Variants in TCERG1 observed in about 807,000 individuals in gnomAD.
TCERG1 encodes transcription elongation regulator 1, also known as TATA box binding protein (TBP)-associated factor, RNA polymerase II, S, 150kD.
In TCERG1, 37 loss-of-function variants were observed where a neutral mutation model predicts 144.7. That is an observed-to-expected ratio of 0.26 (90% CI 0.20 to 0.34). TCERG1 has a LOEUF of 0.34. Among genes scored for constraint, TCERG1 ranks in the 10% least tolerant of loss-of-function variants. The pLI is 1.00. For missense variants in TCERG1, 1,027 were observed against 1,380.7 expected, an observed-to-expected ratio of 0.74 and a Z score of 4.06; for synonymous variants, 492 against 458.2, an observed-to-expected ratio of 1.07 and a Z score of -0.94.
Position 146,511,577 on chromosome 5 carries a change from A to G in TCERG1, c.*935A>G, listed in dbSNP as rs1768456499. The G allele has an allele frequency of 2.0e-5, 3 of 152,798 alleles. No homozygotes were observed. The South Asian group carries it at 6.2e-4, about 32-fold the overall frequency. 9.5% of individuals were successfully genotyped at this position (152,798 alleles called of 1,614,324 possible). A position where few individuals can be genotyped will look rare whatever the true frequency, so the allele number is the denominator to read the frequency against. On this transcript the variant is annotated 3_prime_UTR_variant, in exon 23 of 23. Transcript: ENST00000679501. The stretch of plus-strand genomic sequence containing the variant: ...ATTTTAACCTGTTTTTAAAAGCAGC[A>G]AATAGAATTTCCCACAAAGTAAGTT...
chr5:146,486,871 T>A (rs1765886338), intron 15 of TCERG1, among the ~76,000 whole-genome samples: 1 of 152,190 alleles, frequency 6.6e-6, no homozygotes, highest in Non-Finnish European at 1.5e-5. Context: ...GGTCAGGAGT[T>A]CGAGACCAGC....
intron 9 of TCERG1, among the ~76,000 whole-genome samples, chr5:146,472,841 A>G (rs1296903234): frequency 6.6e-6 from 1 of 152,006 alleles, no homozygotes; most frequent in African/African-American, 2.4e-5. Flanking sequence ...AGCTTCCCAA[A>G]TAGCTGGGAT....
intron 19 of TCERG1, among the ~76,000 whole-genome samples, chr5:146,506,699 ACT>A (rs1039255185): frequency 6.6e-6 from 1 of 151,646 alleles, no homozygotes; most frequent in Non-Finnish European, 1.5e-5. Flanking sequence ...GTGACCATCT[ACT>A]CTCTATTTCT....
intron 1 of TCERG1, among the ~76,000 whole-genome samples, chr5:146,451,486 C>G (rs1762338309): frequency 6.6e-6 from 1 of 151,812 alleles, no homozygotes; most frequent in Non-Finnish European, 1.5e-5. Flanking sequence ...CCACACCCGG[C>G]TAATTTCTGT....
chr5:146,447,553 G>T (rs555614671), intron 1 of TCERG1, 145 bp downstream of exon 1: 1 of 1,066,936 alleles, frequency 9.4e-7, no homozygotes, highest in Non-Finnish European at 1.3e-6. Context: ...TTAAGAAGGG[G>T]GAAGGGGAAG....
intron 9 of TCERG1, among the ~76,000 whole-genome samples, chr5:146,472,671 AGT>A (rs2150415156): frequency 6.7e-6 from 1 of 150,074 alleles, no homozygotes; most frequent in East Asian, 2.1e-4. Context: ...AAAGTGTTCA[AGT>A]GAAAGGAAGA....
chr5:146,504,080 A>C, intron 19 of TCERG1, 74 bp downstream of exon 19: 1 of 1,280,386 alleles, frequency 7.8e-7, no homozygotes, highest in Non-Finnish European at 1.0e-6. Context: ...TGTTATGAAT[A>C]TTTTAATGTT....
At chr5:146,508,025 C>G in intron 21 of TCERG1, 69 bp downstream of exon 21, 1 of 999,472 alleles carries the variant, frequency 1.0e-6, no homozygotes, top group Non-Finnish European at 1.5e-6. Flanking sequence ...AACAGCACTA[C>G]TATCTTAACC....
At chr5:146,484,250 G>C (rs1258931303) in intron 15 of TCERG1, among the ~76,000 whole-genome samples, 1 of 152,124 alleles carries the variant, frequency 6.6e-6, no homozygotes, top group East Asian at 1.9e-4. Flanking sequence ...AAGGGTCCCT[G>C]TTGAATTAGT....
intron 5 of TCERG1, among the ~76,000 whole-genome samples, chr5:146,467,986 A>G (rs1048433745): frequency 6.6e-6 from 1 of 152,166 alleles, no homozygotes; most frequent in African/African-American, 2.4e-5. Context: ...ACTGGTATCT[A>G]AGCAACAGCA....
At chr5:146,474,112 C>A (rs775423426) in intron 9 of TCERG1, among the ~76,000 whole-genome samples, 1 of 152,084 alleles carries the variant, frequency 6.6e-6, no homozygotes, top group Non-Finnish European at 1.5e-5. Context: ...CAATAGAACA[C>A]CTTCTGTAAA....
chr5:146,456,379 C>T (rs1174506395), intron 2 of TCERG1, among the ~76,000 whole-genome samples: 1 of 152,144 alleles, frequency 6.6e-6, no homozygotes, highest in African/African-American at 2.4e-5. Flanking sequence ...ACTAATGTAA[C>T]CCTCTCATTG....
chr5:146,468,491 C>A, intron 6 of TCERG1, 88 bp downstream of exon 6: 2 of 1,241,272 alleles, frequency 1.6e-6, no homozygotes, highest in Non-Finnish European at 2.3e-6. Flanking sequence ...TATTTTTTGC[C>A]CAAGTGAGTG....
intron 16 of TCERG1, 88 bp from the exon 17 acceptor site, chr5:146,498,448 C>T: frequency 7.1e-7 from 1 of 1,404,172 alleles, no homozygotes; most frequent in South Asian, 1.4e-5. Context: ...TTGTCATATA[C>T]TCTTGTTGGA....
At chr5:146,476,902 C>G (rs1412139510) in intron 9 of TCERG1, among the ~76,000 whole-genome samples, 1 of 152,148 alleles carries the variant, frequency 6.6e-6, no homozygotes, top group Non-Finnish European at 1.5e-5. Context: ...ACTACAGGTG[C>G]ATGCCATCAC....
chr5:146,510,344 G>T, intron 22 of TCERG1, 97 bp from the exon 23 acceptor site: 61 of 699,946 alleles, frequency 8.7e-5, no homozygotes, highest in Non-Finnish European at 1.2e-4. Flanking sequence ...AAAAAAAATG[G>T]AAACACAATT....
At position 146,507,207 on chromosome 5, in the gene TCERG1, A is replaced by G. The variant is rs1201906791; in HGVS notation, c.2961A>G (p.Ala987=). 2 of 1,574,776 alleles carry G rather than the reference A, an allele frequency of 1.3e-6. No homozygotes were observed. The highest frequency in any genetic ancestry group is 1.4e-5 in the African/African-American group (1 of 72,640). ...GGCAACTTCTGGATGAAACTTCTGC[A>G]GTAAGAATCTCTTATTTTTCTCATT... ...HFRQLLDETS[A]ITLTSTWKEV... Residue 987 remains alanine (A), a splice_region_variant and synonymous_variant, in exon 20 of 23, where the codon GCA becomes GCG. Coordinates refer to ENST00000679501, the MANE Select transcript of TCERG1 (RefSeq NM_001382548.1). The surrounding 1 kb of genome is among the most constrained non-coding windows in gnomAD (Gnocchi z 4.6).
Position 146,457,352 on chromosome 5 carries a change from A to G in TCERG1, c.438+17A>G. 1.3e-6 allele frequency: 2 copies of G among 1,591,840 alleles called. No homozygotes were observed. Among genetic ancestry groups the G allele is most frequent in the Non-Finnish European group, 1.7e-6 (2 of 1,167,302 alleles). On this transcript the variant is annotated intron_variant, in intron 3 of 22. Coordinates refer to ENST00000679501, the MANE Select transcript of TCERG1 (RefSeq NM_001382548.1). ...GATGGGAAGGTAAATAATAAAATAT[A>G]TTTAAGTTGTCATTTGTTGACAGAG... is the stretch of plus-strand genomic sequence containing the variant.
intron 1 of TCERG1, among the ~76,000 whole-genome samples, chr5:146,451,715 GGACTTGTTTACAGTCCTGGTTA>G (rs1027148771): frequency 6.7e-6 from 1 of 148,874 alleles, no homozygotes; most frequent in Non-Finnish European, 1.5e-5. Context: ...TAGTAGTTCT[GGACTTGTTTACAGTCCTGGTTA>G]TACCAGGACT....
Sources: allele counts gnomAD v4.1 joint callset (sites outside exome capture counted in the v4.1 genomes callset), GRCh38; gene constraint gnomAD v4.1.1; non-coding constraint Gnocchi (gnomAD v3.1); transcripts MANE v1.5; gene names NCBI Gene and HGNC (gene_info 2026-07-23, HGNC 2026-07-21).